VWF: variants seen among roughly 807,000 people sequenced by gnomAD.
VWF encodes the protein von Willebrand factor, also known as Factor VIII related antigen.
In VWF, 176 loss-of-function variants were observed where a neutral mutation model predicts 308.6. The ratio of observed to expected loss-of-function variants is 0.57; its 90% CI spans 0.50 to 0.65. The LOEUF is 0.65. Among genes scored for constraint, VWF ranks in the 30% least tolerant of loss-of-function variants. VWF has a pLI of 0.00. For synonymous variants in VWF, 1,385 were observed against 1,443.4 expected (o/e 0.96, Z 0.92); for missense variants, 3,146 against 3,648.2 (o/e 0.86, Z 3.55).
chr12:5,979,819 A>G (rs929748364), intron 42 of VWF, among the ~76,000 whole-genome samples: 3 of 151,454 alleles, frequency 2.0e-5, no homozygotes, highest in Non-Finnish European at 4.4e-5. Context: ...AGGCGGGTGG[A>G]TCACAAGGTC....
At chr12:6,040,522 C>T (rs560667932) in intron 18 of VWF, among the ~76,000 whole-genome samples, 3 of 152,298 alleles carry the variant, frequency 2.0e-5, no homozygotes, top group African/African-American at 7.2e-5. Context: ...TCCAGTCTTC[C>T]CAACAGCCTG....
intron 3 of VWF, among the ~76,000 whole-genome samples, chr12:6,111,848 T>TAAAAATATGAAGAAAAAAAAA (rs1200840072): frequency 6.6e-6 from 1 of 151,958 alleles, no homozygotes; most frequent in African/African-American, 2.4e-5. Flanking sequence ...GTCCCAGTTC[T>TAAAAATATGAAGAAAAAAAAA]TTGGGAGGCT....
intron 40 of VWF, 62 bp from the exon 41 acceptor site, chr12:5,983,316 T>G: frequency 6.6e-7 from 1 of 1,503,840 alleles, no homozygotes; most frequent in East Asian, 2.4e-5. Flanking sequence ...TTATTACCTG[T>G]GAGTGGGATG....
At chr12:5,996,255 G>C (rs1458883434) in intron 34 of VWF, 33 bp from the exon 35 acceptor site, 4 of 1,578,834 alleles carry the variant, frequency 2.5e-6, no homozygotes, top group Non-Finnish European at 2.6e-6. Context: ...TGGATGCGAC[G>C]TTATCCAAAC....
In VWF at chr12:5,953,501, G is replaced by T. The variant is rs199968654; in HGVS notation, c.7981C>A (p.Leu2661Met). The change falls in exon 48 of 52, where the codon CTG becomes ATG. Residue 2661 changes from leucine (L) to methionine (M), a missense_variant. Leu to Met is a conservative substitution (Grantham distance 15). Coordinates refer to ENST00000261405, the MANE Select transcript of VWF (RefSeq NM_000552.5). ...TGCATTCAGCTTGCTCCTACCTTCA[G>T]TGTCATGATCTGTCCTCCTCTTAGC... ...IQLRGGQIMT[L>M]KRDETLQDGC... 2 of 1,613,942 alleles carry T rather than the reference G, an allele frequency of 1.2e-6. No homozygotes were observed. The highest frequency in any genetic ancestry group is 1.7e-6 in the Non-Finnish European group (2 of 1,179,804).
chr12:6,101,730 A>C (rs1166108544), intron 5 of VWF, among the ~76,000 whole-genome samples: 2 of 152,052 alleles, frequency 1.3e-5, no homozygotes, highest in Non-Finnish European at 2.9e-5. Flanking sequence ...GAGCCGAGAC[A>C]CGCCGCTGCA....
chr12:6,058,124 AT>A lies in VWF; in HGVS notation c.1534-81del. ...TTGTTTAGCTAATGAGATGGTTTTA[AT>A]AAAAAAAAAAAAGTTCCCCGGGTGA... On this transcript the variant is annotated intron_variant, in intron 13 of 51. Coordinates refer to ENST00000261405, the MANE Select transcript of VWF (RefSeq NM_000552.5). This position sits in a 1 kb window ranked among gnomAD's most constrained non-coding sequence, Gnocchi z 4.9. 4 of 1,507,158 alleles carry A rather than the reference AT, an allele frequency of 2.7e-6. No homozygotes were observed. The highest frequency in any genetic ancestry group is 9.0e-7 in the Non-Finnish European group (1 of 1,114,614). The allele number at this position is 1,507,158 out of a possible 1,614,324, so 93.4% of individuals were successfully genotyped here.
intron 34 of VWF, among the ~76,000 whole-genome samples, chr12:6,011,190 C>T (rs1285005026): frequency 1.3e-5 from 2 of 152,168 alleles, no homozygotes; most frequent in African/African-American, 2.4e-5. Context: ...ATATTTCCTC[C>T]TCTTAATCCA....
At chr12:6,064,416 G>A in intron 11 of VWF, 32 bp from the exon 12 acceptor site, 1 of 1,612,770 alleles carries the variant, frequency 6.2e-7, no homozygotes, top group Non-Finnish European at 8.5e-7. Context: ...TGACTTTGCT[G>A]CACCCCCTGC....
At chr12:6,036,542 GC>G (rs1192616612) in intron 18 of VWF, 51 bp from the exon 19 acceptor site, 2 of 1,553,994 alleles carry the variant, frequency 1.3e-6, no homozygotes, top group Admixed American at 1.7e-5. Flanking sequence ...CTGATCTAAA[GC>G]CCTCCTCCAG....
chr12:6,023,779 G>A lies in VWF; in HGVS notation c.3231C>T (p.Pro1077=), dbSNP rs764032940. 1.1e-5 allele frequency: 17 copies of A among 1,581,558 alleles called. No homozygotes were observed. The highest frequency in any genetic ancestry group is 2.3e-5 in the East Asian group (1 of 42,952). The change falls in exon 25 of 52, where the codon CCC becomes CCT. Residue 1077 remains proline (P), a synonymous_variant. Transcript: ENST00000261405. The part of the protein sequence containing the change: ...VFQDCNKLVD[P]EPYLDVCIYD... ...AAATGCAGACATCCAGATATGGCTC[G>A]GGGTCCACCTGCAAAGGCAGCCTCA...
At position 5,979,081 on chromosome 12, in the gene VWF, C is replaced by T. The variant is rs1055341487; in HGVS notation, c.7287+2705G>A. On this transcript the variant is annotated intron_variant, in intron 42 of 51. Transcript: ENST00000261405. ...AACACACATCAAACACATAAGAATC[C>T]ATGAGTTCATAATGAAGCTAAAAAC... Among the ~76,000 whole-genome samples, 14 of 152,290 alleles carry T rather than the reference C, an allele frequency of 9.2e-5. 1 individual carries two copies. The Middle Eastern group carries it at 0.01, about 111-fold the overall frequency.
At position 6,022,012 on chromosome 12, in the gene VWF, G is replaced by T. The variant is rs758171853; in HGVS notation, c.3562C>A (p.Gln1188Lys). 3.1e-6 allele frequency: 5 copies of T among 1,614,176 alleles called. No homozygotes were observed. Among genetic ancestry groups the T allele is most frequent in the Non-Finnish European group, 4.2e-6 (5 of 1,180,038 alleles). The change falls in exon 27 of 52, where the codon CAG becomes AAG. Residue 1188 changes from glutamine to lysine, a missense_variant. Transcript: ENST00000261405. ...PPGKILDELLQTCVDPEDCPV... is the reference protein window; with the variant it reads ...PPGKILDELLKTCVDPEDCPV... Reference sequence around the variant, plus strand: ...CAGTCTTCAGGGTCAACGCAGGTCTGCAAAAGCTCATCCAGGATTTTCCCT... The same window carrying T: ...CAGTCTTCAGGGTCAACGCAGGTCTTCAAAAGCTCATCCAGGATTTTCCCT...
rs140292011 is a variant in VWF at position 6,087,217 on chromosome 12, G to A, written c.657+8243C>T. ...CTGCTTCTCCAGTATTCAGGGACAC[G>A]GAAGGACAGGGCTTTAGCTTCGAAC... On this transcript the variant is annotated intron_variant, in intron 6 of 51. Coordinates refer to ENST00000261405, the MANE Select transcript of VWF (RefSeq NM_000552.5). Among the ~76,000 whole-genome samples, 42 of 152,206 alleles carry A rather than the reference G, an allele frequency of 2.8e-4. No individual in the cohort carries two copies. In the South Asian group the frequency reaches 5.4e-3, roughly 20 times the overall value.
chr12:6,073,402 A>T (rs1944801802), intron 8 of VWF, among the ~76,000 whole-genome samples: 1 of 152,182 alleles, frequency 6.6e-6, no homozygotes, highest in Admixed American at 6.5e-5. Flanking sequence ...TTCCCTCAAC[A>T]CAAGTGCGTT....
intron 47 of VWF, among the ~76,000 whole-genome samples, chr12:5,960,580 C>A (rs778207695): frequency 6.6e-6 from 1 of 152,104 alleles, no homozygotes; most frequent in Non-Finnish European, 1.5e-5. Flanking sequence ...ACATTAAAAT[C>A]TTTAACAAAA....
At chr12:6,087,337 G>C (rs956669303) in intron 6 of VWF, among the ~76,000 whole-genome samples, 1 of 149,542 alleles carries the variant, frequency 6.7e-6, no homozygotes, top group Non-Finnish European at 1.5e-5. Flanking sequence ...CAGCAAGGGT[G>C]TCTCAAAGAC....
Position 5,993,951 on chromosome 12 carries a change from T to C in VWF, c.6509A>G (p.Gln2170Arg). ...YAICQQDSCH[Q>R]EQVCEVIASY... ...GGCGATCACCTCACACACTTGCTCC[T>C]GGTGGCAACTGTCCTGCTGGCAGAT... Residue 2170 changes from glutamine to arginine, a missense_variant, in exon 37 of 52, where the codon CAG (glutamine) becomes CGG (arginine). Physicochemically the swap from Gln to Arg is conservative, Grantham distance 43 (BLOSUM62 1). Around this residue, in one of 3 missense-constraint regions of VWF, gnomAD observed 989 missense variants for 1,117.4 expected, o/e 0.89. Transcript: ENST00000261405. The C allele has an allele frequency of 3.1e-6, 5 of 1,614,136 alleles. No homozygotes were observed. The highest frequency in any genetic ancestry group is 4.2e-6 in the Non-Finnish European group (5 of 1,180,018).
intron 37 of VWF, among the ~76,000 whole-genome samples, chr12:5,992,623 T>C (rs1028475434): frequency 6.6e-6 from 1 of 152,224 alleles, no homozygotes; most frequent in African/African-American, 2.4e-5. Context: ...TGAATACATA[T>C]GTCTTTTATG....
Sources: allele counts gnomAD v4.1 joint callset (sites outside exome capture counted in the v4.1 genomes callset), GRCh38; gene constraint gnomAD v4.1.1; regional missense constraint gnomAD v4.1.1; non-coding constraint Gnocchi (gnomAD v3.1); transcripts MANE v1.5; gene names NCBI Gene and HGNC (gene_info 2026-07-23, HGNC 2026-07-21).